ACSS2: variants seen among roughly 807,000 people sequenced by gnomAD.
ACSS2 encodes the protein acyl-CoA synthetase short chain family member 2.
In ACSS2, 58 loss-of-function variants were observed where a neutral mutation model predicts 90.6. The ratio of observed to expected loss-of-function variants is 0.64; its 90% CI spans 0.52 to 0.80. The LOEUF (loss-of-function observed/expected upper bound fraction) is 0.80, where lower values mean the gene tolerates loss of function less well. ACSS2 is among the 30% of genes least tolerant of loss of function. ACSS2 has a pLI of 0.00. For missense variants in ACSS2, 759 were observed against 912.0 expected (o/e 0.83, Z 2.16); for synonymous variants, 300 against 330.9 (o/e 0.91, Z 1.01).
intron 5 of ACSS2, 130 bp from the exon 6 acceptor site, chr20:34,913,966 C>A (rs1425339599): frequency 7.3e-7 from 1 of 1,366,674 alleles, no homozygotes; most frequent in Non-Finnish European, 1.0e-6. Flanking sequence ...CCTCAGCTGA[C>A]CCTCTGTCAG....
At chr20:34,904,795 A>G (rs1433904550) in intron 2 of ACSS2, among the ~76,000 whole-genome samples, 1 of 151,592 alleles carries the variant, frequency 6.6e-6, no homozygotes, top group Non-Finnish European at 1.5e-5. Flanking sequence ...CACCAACCAT[A>G]TGGCCTCCAG....
At position 34,921,790 on chromosome 20, in the gene ACSS2, T is replaced by C. The variant is rs746863807; in HGVS notation, c.1472T>C (p.Phe491Ser). The change falls in exon 13 of 18, where the codon TTC becomes TCC. Residue 491 changes from phenylalanine (F) to serine (S), a missense_variant. Coordinates refer to ENST00000360596, the MANE Select transcript of ACSS2 (RefSeq NM_018677.4). Reference protein sequence around the residue: ...ATPMKPGSATFPFFGVAPAIL... With the variant: ...ATPMKPGSATSPFFGVAPAIL... ...CTGTCTCCCGTTTGCTTCTAGACTT[T>C]CCCATTCTTTGGTGTAGCTCCTGCA... 6 of 1,613,498 alleles carry C rather than the reference T, an allele frequency of 3.7e-6. No homozygotes were observed. Among genetic ancestry groups the C allele is most frequent in the Non-Finnish European group, 5.1e-6 (6 of 1,179,828 alleles).
In ACSS2 at chr20:34,914,096, A is replaced by G. The variant is rs777958660; in HGVS notation, c.644A>G (p.Asp215Gly). 2.5e-6 allele frequency: 4 copies of G among 1,614,122 alleles called. No homozygotes were observed. The highest frequency in any genetic ancestry group is 3.4e-6 in the Non-Finnish European group (4 of 1,180,016). The change falls in exon 6 of 18, where the codon GAT becomes GGT. Residue 215 changes from aspartate to glycine, a missense_variant and splice_region_variant. Asp to Gly is a moderately conservative substitution (Grantham distance 94). Transcript: ENST00000360596. ...CTGGAATGTCTGTTGCTCCCCAAAG[A>G]TGCCTTCTACAGGGGGGAAAAGCTT... ...DSSCSLLITT[D>G]AFYRGEKLVN...
At chr20:34,926,362 G>C in intron 16 of ACSS2, 81 bp downstream of exon 16, 1 of 1,488,358 alleles carries the variant, frequency 6.7e-7, no homozygotes, top group South Asian at 1.3e-5. Context: ...GGAGGGGCTA[G>C]AGCAAGCTGC....
At chr20:34,899,382 T>TTTTCTTTC (rs201244103) in intron 2 of ACSS2, among the ~76,000 whole-genome samples, 1 of 142,550 alleles carries the variant, frequency 7.0e-6, no homozygotes, top group Non-Finnish European at 1.5e-5. Flanking sequence ...TATCACATTT[T>TTTTCTTTC]TTTCTTTCTT....
At chr20:34,899,470 T>A (rs73111055) in intron 2 of ACSS2, among the ~76,000 whole-genome samples, 1 of 107,700 alleles carries the variant, frequency 9.3e-6, no homozygotes, top group South Asian at 3.3e-4. Flanking sequence ...TTCCTTCCTT[T>A]CTTTTTCTTT....
At chr20:34,886,645 T>C (rs2080200739) in intron 2 of ACSS2, among the ~76,000 whole-genome samples, 1 of 152,054 alleles carries the variant, frequency 6.6e-6, no homozygotes, top group Non-Finnish European at 1.5e-5. Flanking sequence ...AAAGTAATAA[T>C]AATAATTGCT....
chr20:34,876,554 T>C, upstream of ACSS2: 2 of 1,276,236 alleles, frequency 1.6e-6, no homozygotes, highest in South Asian at 5.9e-5. Context: ...CCCGCCCCTC[T>C]ACGGAGGCCC....
At chr20:34,913,913 G>A in intron 5 of ACSS2, 88 bp downstream of exon 5, 4 of 1,444,156 alleles carry the variant, frequency 2.8e-6, no homozygotes, top group Non-Finnish European at 3.9e-6. Flanking sequence ...GGGCTACTCA[G>A]CATAGAGGGT....
chr20:34,903,683 C>G (rs2080725738), intron 2 of ACSS2, among the ~76,000 whole-genome samples: 1 of 152,014 alleles, frequency 6.6e-6, no homozygotes, highest in African/African-American at 2.4e-5. Context: ...TCTTCCTATC[C>G]TGTGCCTTGC....
At chr20:34,899,468 T>TTCC in intron 2 of ACSS2, among the ~76,000 whole-genome samples, 2 of 137,434 alleles carry the variant, frequency 1.5e-5, no homozygotes, top group Non-Finnish European at 3.3e-5. Context: ...CCTTCCTTCC[T>TTCC]TTCTTTTTCT....
intron 2 of ACSS2, among the ~76,000 whole-genome samples, chr20:34,899,497 G>GT (rs1035304344): frequency 2.1e-4 from 14 of 68,144 alleles, no homozygotes; most frequent in African/African-American, 3.8e-4. Context: ...TTTCTTTTTT[G>GT]TTTTTTTTTG....
chr20:34,890,852 A>C (rs924662623), intron 2 of ACSS2, among the ~76,000 whole-genome samples: 1 of 151,746 alleles, frequency 6.6e-6, no homozygotes, highest in Non-Finnish European at 1.5e-5. Context: ...CTCTGCTCTC[A>C]GGATCCTTGT....
chr20:34,925,776 A>AG lies in ACSS2; in HGVS notation c.1726+14dup, dbSNP rs149619032. 13,233 of 1,611,274 alleles carry AG rather than the reference A, an allele frequency of 8.2e-3. 150 individuals carry two copies. The highest frequency in any genetic ancestry group is 0.06 in the East Asian group (2,695 of 44,802). On this transcript the variant is annotated intron_variant, in intron 15 of 17. Transcript: ENST00000360596. ...ATGCTCAATGTATCTGGTGAGGGCC[A>AG]GGGGCCACCTTCCCATCTTATTAAC... is the stretch of plus-strand genomic sequence containing the variant.
chr20:34,909,955 G>C (rs2080910022), intron 2 of ACSS2, among the ~76,000 whole-genome samples: 1 of 151,578 alleles, frequency 6.6e-6, no homozygotes, highest in African/African-American at 2.4e-5. Context: ...GACCCCAGGT[G>C]ATCTGCCTGC....
In ACSS2 at chr20:34,905,691, T is replaced by G. The variant is rs1205996096; in HGVS notation, c.375-7405T>G. ...AGTTTAGGTACTAGATGCCTCCTTT[T>G]GCCAGAGCATGCATTTGCCAGTTTT... On this transcript the variant is annotated intron_variant, in intron 2 of 17. Transcript: ENST00000360596. 3.3e-5 allele frequency among the ~76,000 whole-genome samples: 5 copies of G among 152,248 alleles called. No homozygotes were observed. In the East Asian group the frequency reaches 9.6e-4, roughly 29 times the overall value.
intron 2 of ACSS2, among the ~76,000 whole-genome samples, chr20:34,884,661 TG>T (rs1440428605): frequency 6.6e-6 from 1 of 152,262 alleles, no homozygotes; most frequent in Non-Finnish European, 1.5e-5. Context: ...CCATTGTGTC[TG>T]TTGAGACTCT....
intron 2 of ACSS2, among the ~76,000 whole-genome samples, chr20:34,911,285 T>G (rs1435922827): frequency 6.6e-6 from 1 of 151,308 alleles, no homozygotes; most frequent in Non-Finnish European, 1.5e-5. Context: ...CCTCCCAGAT[T>G]CAAGTGATTC....
intron 14 of ACSS2, among the ~76,000 whole-genome samples, chr20:34,925,058 T>G (rs1166561846): frequency 2.0e-5 from 3 of 152,086 alleles, no homozygotes; most frequent in Non-Finnish European, 4.4e-5. Flanking sequence ...CTTTGCTGGA[T>G]TTATGGAGAA....
Sources: gnomAD v4.1 joint callset for allele counts (sites outside exome capture counted in the v4.1 genomes callset) on GRCh38, gnomAD v4.1.1 for gene constraint, MANE v1.5 for transcripts, NCBI Gene and HGNC (gene_info 2026-07-23, HGNC 2026-07-21) for gene names.